MICAL2: variants seen among roughly 807,000 people sequenced by gnomAD.
MICAL2 encodes microtubule associated monooxygenase, calponin and LIM domain containing 2.
Under a neutral mutation model 127.3 loss-of-function variants are expected in MICAL2, and 77 were observed. The ratio of observed to expected loss-of-function variants is 0.60; its 90% CI spans 0.50 to 0.73. MICAL2 has a LOEUF of 0.73. Ranked by LOEUF, MICAL2 falls within the 30% of genes least tolerant of loss-of-function variation. The probability of loss-of-function intolerance (pLI) is 0.00; values close to 1 mark genes in which losing one functional copy is unlikely to be tolerated. For missense variants in MICAL2, 1,351 were observed against 1,434.4 expected, an observed-to-expected ratio of 0.94 and a Z score of 0.94; for synonymous variants, 570 against 551.1, an observed-to-expected ratio of 1.03 and a Z score of -0.48.
intron 2 of MICAL2, among the ~76,000 whole-genome samples, chr11:12,152,297 C>CCA (rs1223690984): frequency 3.9e-4 from 15 of 38,398 alleles, no homozygotes; most frequent in African/African-American, 2.2e-3. Flanking sequence ...GACTCTGTCT[C>CCA]AAAAAAAAAA....
intron 1 of MICAL2, among the ~76,000 whole-genome samples, chr11:12,111,011 C>T (rs1849562541): frequency 6.6e-6 from 1 of 152,220 alleles, no homozygotes; most frequent in African/African-American, 2.4e-5. Flanking sequence ...AACACCCAAA[C>T]CCTGCAGTTC....
intron 22 of MICAL2, among the ~76,000 whole-genome samples, chr11:12,251,859 G>A (rs930630314): frequency 3.9e-5 from 6 of 152,180 alleles, no homozygotes; most frequent in African/African-American, 1.4e-4. Flanking sequence ...GAAGCTCAGT[G>A]CACAAAGTGC....
intron 29 of MICAL2, among the ~76,000 whole-genome samples, chr11:12,301,257 A>C (rs912571414): frequency 6.6e-6 from 1 of 152,170 alleles, no homozygotes; most frequent in East Asian, 1.9e-4. Flanking sequence ...ATTCAAGTTG[A>C]GATTTGGGTG....
At chr11:12,201,473 G>A (rs1298161666) in intron 3 of MICAL2, among the ~76,000 whole-genome samples, 2 of 151,616 alleles carry the variant, frequency 1.3e-5, no homozygotes, top group Non-Finnish European at 2.9e-5. Context: ...GTCAAGCAGT[G>A]AGGAGTGGGT....
At chr11:12,224,625 G>C (rs376555034) in intron 12 of MICAL2, 48 bp from the exon 13 acceptor site, 12 of 1,592,896 alleles carry the variant, frequency 7.5e-6, no homozygotes, top group Non-Finnish European at 1.0e-5. Flanking sequence ...AGGGCAGACC[G>C]TGTGAGATTC....
intron 21 of MICAL2, among the ~76,000 whole-genome samples, chr11:12,245,405 G>A (rs1223366268): frequency 6.6e-6 from 1 of 152,260 alleles, no homozygotes; most frequent in Admixed American, 6.5e-5. Flanking sequence ...CTGCCCCTTG[G>A]TGTGTAATTG....
chr11:12,320,292 A>C (rs1161470634), intron 30 of MICAL2, among the ~76,000 whole-genome samples: 1 of 152,232 alleles, frequency 6.6e-6, no homozygotes, highest in East Asian at 1.9e-4. Flanking sequence ...TGTGGAAGGG[A>C]CAAGCCCCGT....
intron 32 of MICAL2, among the ~76,000 whole-genome samples, chr11:12,345,656 G>T (rs1938942873): frequency 6.6e-6 from 1 of 152,190 alleles, no homozygotes; most frequent in African/African-American, 2.4e-5. Flanking sequence ...AAAAAGATCA[G>T]TTGCACAAGT....
intron 32 of MICAL2, among the ~76,000 whole-genome samples, chr11:12,335,439 C>T (rs1420003691): frequency 1.3e-5 from 2 of 152,074 alleles, no homozygotes; most frequent in African/African-American, 2.4e-5. Flanking sequence ...TTTTGCTGTG[C>T]AGAAGCTCTT....
chr11:12,175,667 G>T (rs1387816669), intron 3 of MICAL2, among the ~76,000 whole-genome samples: 1 of 151,988 alleles, frequency 6.6e-6, no homozygotes, highest in African/African-American at 2.4e-5. Flanking sequence ...AGAGTAGGTT[G>T]CTGTTTGATA....
intron 3 of MICAL2, among the ~76,000 whole-genome samples, chr11:12,182,054 A>G (rs989017558): frequency 6.6e-6 from 1 of 152,212 alleles, no homozygotes; most frequent in South Asian, 2.1e-4. Context: ...TAGGATTTAC[A>G]CTTACAACTA....
intron 2 of MICAL2, among the ~76,000 whole-genome samples, chr11:12,281,336 G>A (rs1863768778): frequency 6.6e-6 from 1 of 152,190 alleles, no homozygotes; most frequent in Non-Finnish European, 1.5e-5. Flanking sequence ...ACATCACGGG[G>A]ACTGGCTGGC....
chr11:12,294,839 CCTA>C (rs749215145), downstream of MICAL2: 29,180 of 1,102,574 alleles, frequency 0.026, 143 homozygotes, highest in Non-Finnish European at 0.03. Context: ...TCCTCCTCCT[CCTA>C]CAGCGGGAGG....
At chr11:12,255,811 C>A in intron 23 of MICAL2, 61 bp downstream of exon 23, 1 of 1,379,862 alleles carries the variant, frequency 7.2e-7, no homozygotes, top group Non-Finnish European at 1.0e-6. Flanking sequence ...CCAGGGCGGG[C>A]ACATGGGATG....
At chr11:12,226,999 C>T (rs1228544981) in intron 14 of MICAL2, 26 bp from the exon 15 acceptor site, 1 of 1,573,104 alleles carries the variant, frequency 6.4e-7, no homozygotes, top group Non-Finnish European at 8.7e-7. Context: ...GGTTCCAAAT[C>T]ACAGTTGCGC....
At chr11:12,347,457 C>T (rs1938973285) in intron 32 of MICAL2, among the ~76,000 whole-genome samples, 1 of 152,116 alleles carries the variant, frequency 6.6e-6, no homozygotes, top group Admixed American at 6.5e-5. Context: ...TAAGGCAATA[C>T]CAACACATAG....
chr11:12,153,695 ACT>A (rs1565050555), intron 2 of MICAL2, among the ~76,000 whole-genome samples: 1 of 151,908 alleles, frequency 6.6e-6, no homozygotes, highest in Non-Finnish European at 1.5e-5. Context: ...TTTAATAATA[ACT>A]CTCCATTCCC....
chr11:12,252,358 G>A (rs1417206762), intron 22 of MICAL2, among the ~76,000 whole-genome samples: 1 of 152,186 alleles, frequency 6.6e-6, no homozygotes, highest in Non-Finnish European at 1.5e-5. Context: ...GTGGAAGGGG[G>A]AGCCAGGCCT....
chr11:12,230,402 G>A (rs1467382917), intron 15 of MICAL2, among the ~76,000 whole-genome samples: 1 of 152,106 alleles, frequency 6.6e-6, no homozygotes, highest in Non-Finnish European at 1.5e-5. Flanking sequence ...AACCCTCAAT[G>A]ACCTTGCTCA....
Sources: gnomAD v4.1 joint callset for allele counts (sites outside exome capture counted in the v4.1 genomes callset) on GRCh38, gnomAD v4.1.1 for gene constraint, MANE v1.5 for transcripts, NCBI Gene and HGNC (gene_info 2026-07-23, HGNC 2026-07-21) for gene names.